The following MACROD2 variants were observed in gnomAD, a reference collection of about 807,000 sequenced individuals.
MACROD2 encodes the protein mono-ADP ribosylhydrolase 2.
In MACROD2, 36 loss-of-function variants were observed where a neutral mutation model predicts 70.4. That is an observed-to-expected ratio of 0.51 (90% confidence interval 0.39 to 0.68). The LOEUF (loss-of-function observed/expected upper bound fraction) is 0.68. Among genes scored for constraint, MACROD2 ranks in the 30% least tolerant of loss-of-function variants. The pLI, the probability that MACROD2 is intolerant of heterozygous loss-of-function variation, is 0.00. For synonymous variants in MACROD2, 172 were observed against 178.8 expected, an observed-to-expected ratio of 0.96 and a Z score of 0.30; for missense variants, 496 against 538.4, an observed-to-expected ratio of 0.92 and a Z score of 0.78.
At chr20:14,063,855 G>A (rs1461980915) in intron 2 of MACROD2, among the ~76,000 whole-genome samples, 1 of 152,106 alleles carries the variant, frequency 6.6e-6, no homozygotes, top group African/African-American at 2.4e-5. Context: ...AGCTACCTGA[G>A]TAGCTGAAAC....
chr20:15,130,653 A>G (rs1290954472), intron 5 of MACROD2, among the ~76,000 whole-genome samples: 1 of 152,124 alleles, frequency 6.6e-6, no homozygotes, highest in Non-Finnish European at 1.5e-5. Flanking sequence ...TAACTTTTGC[A>G]ATAAACAAGG....
chr20:14,011,114 G>A (rs2052897970), intron 2 of MACROD2, among the ~76,000 whole-genome samples: 2 of 152,092 alleles, frequency 1.3e-5, no homozygotes, highest in Admixed American at 6.5e-5. Flanking sequence ...ACTGTGTTTG[G>A]GGGCAAGTAG....
At chr20:14,689,740 T>A (rs1055257254) in intron 5 of MACROD2, among the ~76,000 whole-genome samples, 1 of 152,226 alleles carries the variant, frequency 6.6e-6, no homozygotes, top group Non-Finnish European at 1.5e-5. Flanking sequence ...TTCTTTTTTC[T>A]TCACACTCCA....
chr20:15,028,577 G>T (rs764938568), intron 5 of MACROD2, among the ~76,000 whole-genome samples: 2 of 152,184 alleles, frequency 1.3e-5, no homozygotes, highest in South Asian at 2.1e-4. Context: ...TTAGGCTTCT[G>T]CACCAACAGT....
In MACROD2 at chr20:14,478,802, A is replaced by AG. The variant is rs2084627921; in HGVS notation, c.272-14676dup. Among the ~76,000 whole-genome samples, 3 of 152,162 alleles carry AG rather than the reference A, an allele frequency of 2.0e-5. No individual in the cohort carries two copies. In the South Asian group the frequency reaches 6.2e-4, roughly 32 times the overall value. Reference sequence around the variant, plus strand: ...GTCCTAGCCTACTTTAGTGGGCAGTAGTTCTAAGGACAATTTAATTTTCCA... The same window carrying AG: ...GTCCTAGCCTACTTTAGTGGGCAGTAGGTTCTAAGGACAATTTAATTTTCCA... On this transcript the variant is annotated intron_variant, in intron 3 of 17. Coordinates refer to ENST00000684519, the MANE Select transcript of MACROD2 (RefSeq NM_001351661.2).
At chr20:15,064,604 A>C (rs1171872860) in intron 5 of MACROD2, among the ~76,000 whole-genome samples, 1 of 152,138 alleles carries the variant, frequency 6.6e-6, no homozygotes, top group African/African-American at 2.4e-5. Context: ...GCCATTTCCT[A>C]AACATTTTAA....
In MACROD2 at chr20:14,757,898, C is replaced by T. The variant is rs561814578; in HGVS notation, c.418+72939C>T. ...GCCTAAAGGTCTGAAGGGTGAGTGA[C>T]CTGCAAGACTCACAAGAGGGAAAGC... On this transcript the variant is annotated intron_variant, in intron 5 of 17. Transcript: ENST00000684519. 2,243 of 1,317,424 alleles carry T rather than the reference C, an allele frequency of 1.7e-3. 4 individuals carry two copies. Among genetic ancestry groups the T allele is most frequent in the Non-Finnish European group, 2.1e-3 (1,938 of 915,968 alleles). 81.6% of individuals were successfully genotyped at this position (1,317,424 alleles called of 1,614,324 possible).
intron 5 of MACROD2, among the ~76,000 whole-genome samples, chr20:14,826,223 TA>T (rs201986399): frequency 0.13 from 18,969 of 145,498 alleles, 1,322 homozygotes; most frequent in Middle Eastern, 0.27. Context: ...AAACACTAGT[TA>T]AAAAAAAAAA....
chr20:14,996,569 G>C (rs1465864536), intron 5 of MACROD2, among the ~76,000 whole-genome samples: 2 of 152,154 alleles, frequency 1.3e-5, no homozygotes, highest in Non-Finnish European at 2.9e-5. Flanking sequence ...ACAGTACTTG[G>C]TTTTAACATC....
intron 10 of MACROD2, chr20:15,893,019 T>C (rs2064912985): frequency 2.5e-6 from 1 of 399,340 alleles, no homozygotes. Context: ...GGGTAAGTCC[T>C]GTCCCTCCTT....
chr20:14,685,758 C>T (rs929876174), intron 5 of MACROD2, among the ~76,000 whole-genome samples: 5 of 152,082 alleles, frequency 3.3e-5, no homozygotes, highest in African/African-American at 9.7e-5. Context: ...TTATCACATT[C>T]GTCCACTTCT....
intron 8 of MACROD2, among the ~76,000 whole-genome samples, chr20:15,553,247 C>T (rs528900615): frequency 2.6e-5 from 4 of 152,114 alleles, no homozygotes; most frequent in Non-Finnish European, 4.4e-5. Context: ...CATCCCTCTC[C>T]ATCATAGAGC....
At chr20:15,033,062 G>A (rs6043067) in intron 5 of MACROD2, among the ~76,000 whole-genome samples, 15,008 of 152,130 alleles carry the variant, frequency 0.099, 2,001 homozygotes, top group African/African-American at 0.3. Context: ...GTTTCCAGGA[G>A]CTGGGACAGG....
rs139096066 is a variant in MACROD2, at chr20:14,427,911, A to G, written c.272-65568A>G. 1.3e-4 allele frequency among the ~76,000 whole-genome samples: 20 copies of G among 152,270 alleles called. No homozygotes were observed. In the East Asian group the frequency reaches 3.7e-3, roughly 28 times the overall value. On this transcript the variant is annotated intron_variant, in intron 3 of 17. Transcript: ENST00000684519. ...TAATGTTCTCTTTATAATGGAAATGATTGATGGTATTGTGTAAATGTTCTA... is the reference window on the plus strand; with the variant it reads ...TAATGTTCTCTTTATAATGGAAATGGTTGATGGTATTGTGTAAATGTTCTA...
chr20:15,625,516 T>G (rs533433968), intron 8 of MACROD2, among the ~76,000 whole-genome samples: 2 of 152,236 alleles, frequency 1.3e-5, no homozygotes, highest in Non-Finnish European at 2.9e-5. Flanking sequence ...AGAAATGGCT[T>G]GCCGTAATTT....
At chr20:15,330,816 GA>G (rs1344441215) in intron 6 of MACROD2, among the ~76,000 whole-genome samples, 1 of 151,514 alleles carries the variant, frequency 6.6e-6, no homozygotes, top group African/African-American at 2.4e-5. Context: ...TATAAGCTCA[GA>G]AGGCATCTCA....
In MACROD2 at chr20:15,935,750, A is replaced by G. The variant is rs2065648608; in HGVS notation, c.839-1726A>G. On this transcript the variant is annotated intron_variant, in intron 11 of 17. Coordinates refer to ENST00000684519, the MANE Select transcript of MACROD2 (RefSeq NM_001351661.2). ...GGCACTGAAGAATAAACCAACAACCAATAAAAACAACATCTCTGTTTCTTT... is the reference window on the plus strand; with the variant it reads ...GGCACTGAAGAATAAACCAACAACCGATAAAAACAACATCTCTGTTTCTTT... Among the ~76,000 whole-genome samples, 3 of 152,228 alleles carry G rather than the reference A, an allele frequency of 2.0e-5. No homozygotes were observed. In the South Asian group the frequency reaches 6.2e-4, roughly 32 times the overall value.
chr20:14,064,281 G>A (rs1220846288), intron 2 of MACROD2, among the ~76,000 whole-genome samples: 1 of 151,876 alleles, frequency 6.6e-6, no homozygotes, highest in East Asian at 1.9e-4. Flanking sequence ...ATTTACATGT[G>A]TACCTATGTT....
chr20:14,918,334 A>C (rs1369286998), intron 5 of MACROD2, among the ~76,000 whole-genome samples: 1 of 152,278 alleles, frequency 6.6e-6, no homozygotes, highest in East Asian at 1.9e-4. Flanking sequence ...AAGGGACCAG[A>C]GAAGAGGCAG....
Sources: allele counts gnomAD v4.1 joint callset (sites outside exome capture counted in the v4.1 genomes callset), GRCh38; gene constraint gnomAD v4.1.1; transcripts MANE v1.5; gene names NCBI Gene and HGNC (gene_info 2026-07-23, HGNC 2026-07-21).